The following TMTC1 variants were observed in gnomAD, a reference collection of about 807,000 sequenced individuals.
The protein encoded by TMTC1 is transmembrane O-mannosyltransferase targeting cadherins 1.
In TMTC1, 73 loss-of-function variants were observed where a neutral mutation model predicts 104.8. That is an observed-to-expected ratio of 0.70 (90% CI 0.58 to 0.85). The LOEUF is 0.85. TMTC1 is among the 40% of genes least tolerant of loss of function. TMTC1 has a pLI of 0.00. For missense variants in TMTC1, 1,035 were observed against 1,096.1 expected, an observed-to-expected ratio of 0.94 and a Z score of 0.79; for synonymous variants, 434 against 428.7, an observed-to-expected ratio of 1.01 and a Z score of -0.15.
intron 5 of TMTC1, among the ~76,000 whole-genome samples, chr12:29,681,099 C>CAAAAAA (rs71045827): frequency 3.7e-5 from 4 of 107,214 alleles, no homozygotes; most frequent in Non-Finnish European, 5.5e-5. Context: ...ACCCTGTCTC[C>CAAAAAA]AAAAAAAAAA....
At chr12:29,554,854 C>T (rs1007715366) in intron 10 of TMTC1, among the ~76,000 whole-genome samples, 1 of 152,116 alleles carries the variant, frequency 6.6e-6, no homozygotes, top group Non-Finnish European at 1.5e-5. Context: ...CAAATATATA[C>T]ATGAAATAAA....
chr12:29,613,476 G>C (rs1946898797), intron 6 of TMTC1, among the ~76,000 whole-genome samples: 1 of 152,212 alleles, frequency 6.6e-6, no homozygotes, highest in Non-Finnish European at 1.5e-5. Context: ...ATCCAGCTTT[G>C]ATTGGCAAAA....
At chr12:29,515,106 G>A (rs143599309) in intron 15 of TMTC1, among the ~76,000 whole-genome samples, 13 of 152,232 alleles carry the variant, frequency 8.5e-5, no homozygotes, top group Admixed American at 2.6e-4. Flanking sequence ...GTTTTCCCAC[G>A]TATCGATGAG....
At chr12:29,512,159 C>A in intron 16 of TMTC1, 39 bp from the exon 17 acceptor site, 26 of 1,532,766 alleles carry the variant, frequency 1.7e-5, no homozygotes, top group Non-Finnish European at 2.2e-5. Flanking sequence ...AGGAAACAAA[C>A]CTCCAAACTC....
chr12:29,561,713 T>G (rs937803228), intron 9 of TMTC1, among the ~76,000 whole-genome samples: 5 of 152,232 alleles, frequency 3.3e-5, no homozygotes, highest in African/African-American at 1.2e-4. Flanking sequence ...TGCTGTTTAC[T>G]TTTCATTATC....
At chr12:29,526,320 AC>A (rs1297940970) in intron 11 of TMTC1, among the ~76,000 whole-genome samples, 6 of 152,334 alleles carry the variant, frequency 3.9e-5, no homozygotes, top group African/African-American at 1.2e-4. Flanking sequence ...TATGCTTAAT[AC>A]TGAATTTAGA....
intron 5 of TMTC1, among the ~76,000 whole-genome samples, chr12:29,670,718 T>C (rs1437062410): frequency 6.6e-6 from 1 of 150,978 alleles, no homozygotes; most frequent in East Asian, 2.0e-4. Context: ...TGCTTGAGCT[T>C]AGGAGTTCCA....
At chr12:29,573,652 A>G (rs1013097603) in intron 8 of TMTC1, among the ~76,000 whole-genome samples, 5 of 152,212 alleles carry the variant, frequency 3.3e-5, no homozygotes, top group African/African-American at 1.2e-4. Flanking sequence ...TAAGGATAAG[A>G]AGAAATGAAA....
rs75351969 is a variant in TMTC1 at position 29,523,743 on chromosome 12, C to A, written c.1786-3023G>T. Reference sequence around the variant, plus strand: ...TTTTGAAAGAGAGTACAGGGGACCTCTCTGTGTTGGAATCTCTTGTTTTTT... The same window carrying A: ...TTTTGAAAGAGAGTACAGGGGACCTATCTGTGTTGGAATCTCTTGTTTTTT... On this transcript the variant is annotated intron_variant, in intron 11 of 17. Transcript: ENST00000539277. 7.7e-3 allele frequency among the ~76,000 whole-genome samples: 1,171 copies of A among 152,156 alleles called. 5 individuals are homozygous for A. Among genetic ancestry groups the A allele is most frequent in the Non-Finnish European group, 0.012 (830 of 68,008 alleles).
At chr12:29,760,991 TTA>T (rs1222350384) in intron 2 of TMTC1, among the ~76,000 whole-genome samples, 2 of 147,854 alleles carry the variant, frequency 1.4e-5, no homozygotes, top group African/African-American at 2.4e-5. Context: ...TATGTATTTT[TTA>T]TATAATATGC....
rs531368399 is a variant in TMTC1, at chr12:29,702,474, C to G, written c.938+49192G>C. Among the ~76,000 whole-genome samples, 16 of 152,298 alleles carry G rather than the reference C, an allele frequency of 1.1e-4. No individual in the cohort carries two copies. In the South Asian group the frequency reaches 3.1e-3, roughly 30 times the overall value. Reference sequence around the variant, plus strand: ...CTGTTCACCGGAGGTTTCCCTCATTCCCTGGCACATGGCCCTCTCTGTAAA... The same window carrying G: ...CTGTTCACCGGAGGTTTCCCTCATTGCCTGGCACATGGCCCTCTCTGTAAA... On this transcript the variant is annotated intron_variant, in intron 5 of 17. Coordinates refer to ENST00000539277, the MANE Select transcript of TMTC1 (RefSeq NM_001193451.2).
At chr12:29,529,616 C>T (rs1281014849) in intron 11 of TMTC1, among the ~76,000 whole-genome samples, 1 of 152,204 alleles carries the variant, frequency 6.6e-6, no homozygotes. Flanking sequence ...CTCCAAGAAA[C>T]TATTCAAGAC....
chr12:29,762,307 GTAATTC>G (rs2120406834), intron 2 of TMTC1, among the ~76,000 whole-genome samples: 1 of 152,300 alleles, frequency 6.6e-6, no homozygotes, highest in Non-Finnish European at 1.5e-5. Flanking sequence ...CAGGGTGGTT[GTAATTC>G]ATGAGATGAT....
At chr12:29,662,314 G>C (rs1166127431) in intron 5 of TMTC1, among the ~76,000 whole-genome samples, 6 of 152,188 alleles carry the variant, frequency 3.9e-5, no homozygotes, top group Admixed American at 3.9e-4. Context: ...GTAAAAACCA[G>C]AGTGGGTTAA....
intron 11 of TMTC1, among the ~76,000 whole-genome samples, chr12:29,526,099 A>C (rs1944336171): frequency 6.6e-6 from 1 of 152,174 alleles, no homozygotes; most frequent in Non-Finnish European, 1.5e-5. Flanking sequence ...TGAAGTTTTG[A>C]TTGTCTTCCC....
At chr12:29,747,613 C>T (rs80138216) in intron 5 of TMTC1, among the ~76,000 whole-genome samples, 11 of 152,194 alleles carry the variant, frequency 7.2e-5, no homozygotes, top group Non-Finnish European at 1.3e-4. Context: ...ACAAAAAAAT[C>T]GCACACAAAC....
At chr12:29,632,888 A>C (rs1380370286) in intron 6 of TMTC1, among the ~76,000 whole-genome samples, 1 of 152,124 alleles carries the variant, frequency 6.6e-6, no homozygotes, top group East Asian at 1.9e-4. Flanking sequence ...AAGTCAAATA[A>C]ATTACTTTGA....
chr12:29,601,545 TTTC>T (rs1408344953), intron 7 of TMTC1, among the ~76,000 whole-genome samples: 1 of 151,036 alleles, frequency 6.6e-6, no homozygotes, highest in Non-Finnish European at 1.5e-5. Flanking sequence ...ATGTGTAGAT[TTTC>T]TTCTTATTTT....
At chr12:29,667,201 T>A (rs1940320531) in intron 5 of TMTC1, among the ~76,000 whole-genome samples, 1 of 152,322 alleles carries the variant, frequency 6.6e-6, no homozygotes, top group Admixed American at 6.5e-5. Context: ...AAGTGCCTCG[T>A]CTAAACCTTA....
Sources: gnomAD v4.1 joint callset for allele counts (sites outside exome capture counted in the v4.1 genomes callset) on GRCh38, gnomAD v4.1.1 for gene constraint, MANE v1.5 for transcripts, NCBI Gene and HGNC (gene_info 2026-07-23, HGNC 2026-07-21) for gene names.